MMP26: variants seen among roughly 807,000 people sequenced by gnomAD.
The protein encoded by MMP26 is matrix metallopeptidase 26.
Under a neutral mutation model 31.0 loss-of-function variants are expected in MMP26, and 33 were observed. That is an observed-to-expected ratio of 1.06 (90% CI 0.81 to 1.42). The LOEUF (loss-of-function observed/expected upper bound fraction) is 1.42. Among genes scored for constraint, MMP26 ranks in the 40% most tolerant of loss-of-function variants. The probability of loss-of-function intolerance (pLI) is 0.00; values close to 1 mark genes in which losing one functional copy is unlikely to be tolerated. For missense variants in MMP26, 347 were observed against 316.1 expected (o/e 1.10, Z -0.74); for synonymous variants, 122 against 114.9 (o/e 1.06, Z -0.40).
chr11:4,924,263 T>A, intron 2 of MMP26: 1 of 1,614,168 alleles, frequency 6.2e-7, no homozygotes. Flanking sequence ...GATCCAGCCA[T>A]GGAGACCTTC....
At chr11:4,780,589 G>C in intron 2 of MMP26, among the ~76,000 whole-genome samples, 1 of 152,044 alleles carries the variant, frequency 6.6e-6, no homozygotes, top group Non-Finnish European at 1.5e-5. Flanking sequence ...AAAGGATACA[G>C]TGAAATCTGT....
intron 1 of MMP26, among the ~76,000 whole-genome samples, chr11:4,735,684 A>T (rs893250704): frequency 2.4e-4 from 37 of 152,184 alleles, no homozygotes; most frequent in African/African-American, 8.2e-4. Flanking sequence ...ATTGTTTAGC[A>T]TCTCGCAATA....
intron 1 of MMP26, among the ~76,000 whole-genome samples, chr11:4,741,894 A>G (rs568457253): frequency 6.6e-6 from 1 of 152,366 alleles, no homozygotes; most frequent in Admixed American, 6.5e-5. Flanking sequence ...AATCAGCCAG[A>G]AAAAGAGAAG....
chr11:4,909,227 A>G (rs912765927), intron 2 of MMP26: 2 of 152,118 alleles, frequency 1.3e-5, no homozygotes, highest in Non-Finnish European at 2.9e-5. Flanking sequence ...TTTCACTAAA[A>G]TTTATATTTT....
chr11:4,841,140 A>G (rs999452136), intron 2 of MMP26, among the ~76,000 whole-genome samples: 3 of 152,182 alleles, frequency 2.0e-5, no homozygotes, highest in Admixed American at 1.3e-4. Context: ...AAAAAAGAAT[A>G]AAAAACAACA....
At chr11:4,789,756 G>A (rs563731400) in intron 2 of MMP26, among the ~76,000 whole-genome samples, 7 of 151,348 alleles carry the variant, frequency 4.6e-5, no homozygotes, top group South Asian at 2.1e-4. Context: ...TAGCCAGGAT[G>A]GTGTCGATCT....
intron 1 of MMP26, among the ~76,000 whole-genome samples, chr11:4,755,858 A>G (rs1760529418): frequency 6.6e-6 from 1 of 152,086 alleles, no homozygotes; most frequent in Admixed American, 6.6e-5. Flanking sequence ...GAGTATATAA[A>G]GAAAAAAATA....
At chr11:4,908,179 T>A in intron 2 of MMP26, 1 of 1,614,196 alleles carries the variant, frequency 6.2e-7, no homozygotes, top group Admixed American at 1.7e-5. Context: ...AAAGCCCTCT[T>A]GTTGTGATCC....
At chr11:4,983,759 C>T (rs904307130) in intron 2 of MMP26, among the ~76,000 whole-genome samples, 1 of 152,142 alleles carries the variant, frequency 6.6e-6, no homozygotes, top group African/African-American at 2.4e-5. Flanking sequence ...CCTTACATTG[C>T]CAATATCTTC....
At chr11:4,735,623 T>C (rs948947103) in intron 1 of MMP26, among the ~76,000 whole-genome samples, 11 of 152,238 alleles carry the variant, frequency 7.2e-5, no homozygotes, top group African/African-American at 1.2e-4. Flanking sequence ...TTTTAATCTA[T>C]GTATTTCAAA....
intron 2 of MMP26, among the ~76,000 whole-genome samples, chr11:4,798,992 C>A (rs1294574509): frequency 2.0e-5 from 3 of 152,110 alleles, no homozygotes; most frequent in Non-Finnish European, 4.4e-5. Flanking sequence ...GCCTTTAATA[C>A]GGTTTTGTCT....
chr11:4,980,897 A>G (rs548359337), intron 2 of MMP26, among the ~76,000 whole-genome samples: 2 of 152,198 alleles, frequency 1.3e-5, no homozygotes, highest in East Asian at 3.9e-4. Flanking sequence ...AGCATACACA[A>G]TGAAGAAAAT....
chr11:4,946,814 G>A lies in MMP26; in HGVS notation c.-144-41254G>A, dbSNP rs371317242. On this transcript the variant is annotated intron_variant, in intron 2 of 7. Coordinates refer to ENST00000380390, the MANE Select transcript of MMP26 (RefSeq NM_021801.5). The stretch of plus-strand genomic sequence containing the variant: ...GAATTCCTGGGCAAAGCAGGCATTG[G>A]ATGAAATTTCAGGAGCATTGAACAG... 3 of 1,587,438 alleles carry A rather than the reference G, an allele frequency of 1.9e-6. 1 individual carries two copies. The highest frequency in any genetic ancestry group is 2.2e-5 in the South Asian group (2 of 90,274).
At chr11:4,869,437 T>C (rs138131948) in intron 2 of MMP26, among the ~76,000 whole-genome samples, 3 of 152,252 alleles carry the variant, frequency 2.0e-5, no homozygotes, top group Non-Finnish European at 2.9e-5. Context: ...CAAAAGAAGA[T>C]GTTTATGCAG....
At chr11:4,880,350 T>A (rs1469252619) in intron 2 of MMP26, among the ~76,000 whole-genome samples, 1 of 151,188 alleles carries the variant, frequency 6.6e-6, no homozygotes, top group East Asian at 1.9e-4. Flanking sequence ...TTTTTAAAAA[T>A]GAGGGATGGT....
chr11:4,932,559 A>G (rs1851365258), intron 2 of MMP26, among the ~76,000 whole-genome samples: 1 of 152,152 alleles, frequency 6.6e-6, no homozygotes, highest in Admixed American at 6.6e-5. Flanking sequence ...TTGGGAATGA[A>G]CGATATTCAA....
chr11:4,983,179 T>C (rs578003453), intron 2 of MMP26, among the ~76,000 whole-genome samples: 2 of 152,328 alleles, frequency 1.3e-5, no homozygotes, highest in Admixed American at 1.3e-4. Context: ...CTTTCTATGA[T>C]GATCACTAAA....
chr11:4,709,724 C>T (rs769035557), intron 1 of MMP26: 19 of 460,566 alleles, frequency 4.1e-5, no homozygotes, highest in Non-Finnish European at 4.8e-5. Context: ...TTGTCATCAT[C>T]ACTGAGTCAA....
At chr11:4,835,197 C>T (rs981446149) in intron 2 of MMP26, among the ~76,000 whole-genome samples, 1 of 137,452 alleles carries the variant, frequency 7.3e-6, no homozygotes, top group Non-Finnish European at 1.6e-5. Flanking sequence ...CTTCCTCTCT[C>T]TTTCTGACAC....
Sources: gnomAD v4.1 joint callset for allele counts (sites outside exome capture counted in the v4.1 genomes callset) on GRCh38, gnomAD v4.1.1 for gene constraint, MANE v1.5 for transcripts, NCBI Gene and HGNC (gene_info 2026-07-23, HGNC 2026-07-21) for gene names.